SPIDR: variants seen among roughly 807,000 people sequenced by gnomAD.
The protein encoded by SPIDR is scaffold protein involved in DNA repair.
A neutral mutation model predicts 104.6 loss-of-function variants in SPIDR; 93 were observed. The ratio of observed to expected loss-of-function variants is 0.89; its 90% CI spans 0.75 to 1.06. The LOEUF is 1.06. Among genes scored for constraint, SPIDR ranks in the 50% least tolerant of loss-of-function variants. SPIDR has a pLI of 0.00. For missense variants in SPIDR, 1,154 were observed against 1,111.2 expected (o/e 1.04, Z -0.55); for synonymous variants, 431 against 416.9 (o/e 1.03, Z -0.41).
intron 8 of SPIDR, chr8:47,592,695 AAT>A (rs1326748204): frequency 1.4e-4 from 93 of 651,670 alleles, no homozygotes; most frequent in Non-Finnish European, 2.4e-4. Flanking sequence ...CCCTATTTAT[AAT>A]ATGATTGTCT....
At chr8:47,571,729 C>G (rs951349863) in intron 8 of SPIDR, among the ~76,000 whole-genome samples, 3 of 152,066 alleles carry the variant, frequency 2.0e-5, no homozygotes, top group African/African-American at 7.2e-5. Flanking sequence ...GCATACATAC[C>G]TGTGATAAAG....
intron 5 of SPIDR, among the ~76,000 whole-genome samples, chr8:47,316,009 A>G (rs1446947711): frequency 6.6e-6 from 1 of 152,230 alleles, no homozygotes; most frequent in Non-Finnish European, 1.5e-5. Flanking sequence ...TTCAAAATAA[A>G]AAACTTCTGC....
At chr8:47,278,342 C>T (rs2037018494) in intron 1 of SPIDR, among the ~76,000 whole-genome samples, 2 of 148,796 alleles carry the variant, frequency 1.3e-5, no homozygotes, top group Non-Finnish European at 3.0e-5. Flanking sequence ...TTTTCAAAGA[C>T]AGGATCTTGC....
intron 8 of SPIDR, among the ~76,000 whole-genome samples, chr8:47,555,531 G>A (rs555744600): frequency 9.5e-4 from 145 of 152,324 alleles, no homozygotes; most frequent in African/African-American, 3.2e-3. Context: ...TTGAGCAATA[G>A]AAGCAGTAAT....
At chr8:47,566,596 T>A (rs768018729) in intron 8 of SPIDR, among the ~76,000 whole-genome samples, 1 of 151,922 alleles carries the variant, frequency 6.6e-6, no homozygotes, top group South Asian at 2.1e-4. Flanking sequence ...TACTTTTTTA[T>A]TTTTTTTATT....
chr8:47,735,451 C>G lies in SPIDR; in HGVS notation c.*1C>G, dbSNP rs369178664. On this transcript the variant is annotated 3_prime_UTR_variant, in exon 20 of 20. Coordinates refer to ENST00000297423, the MANE Select transcript of SPIDR (RefSeq NM_001080394.4). ...AGGAGGGGCCTCTGCAGAACACTAG[C>G]GGTTGCCGCAGGATCTGTGAACTTT... 2.0e-5 allele frequency: 32 copies of G among 1,613,998 alleles called. No individual in the cohort carries two copies. In the East Asian group the frequency reaches 6.5e-4, roughly 33 times the overall value.
chr8:47,447,568 G>T (rs1035975027), intron 8 of SPIDR, among the ~76,000 whole-genome samples: 1 of 152,178 alleles, frequency 6.6e-6, no homozygotes, highest in Non-Finnish European at 1.5e-5. Flanking sequence ...TGTGAACATT[G>T]TTGAGAGGAC....
intron 8 of SPIDR, among the ~76,000 whole-genome samples, chr8:47,493,901 T>C (rs1019866513): frequency 1.3e-5 from 2 of 152,200 alleles, no homozygotes; most frequent in Non-Finnish European, 2.9e-5. Flanking sequence ...TTATTTTTTA[T>C]TAAATAGAGC....
chr8:47,595,256 C>T (rs2061513066), intron 8 of SPIDR, among the ~76,000 whole-genome samples: 1 of 152,152 alleles, frequency 6.6e-6, no homozygotes, highest in Admixed American at 6.5e-5. Flanking sequence ...AAGGAATAGG[C>T]ATTAAAGTGT....
At chr8:47,408,825 TAAC>T (rs1484698265) in intron 7 of SPIDR, among the ~76,000 whole-genome samples, 2 of 152,206 alleles carry the variant, frequency 1.3e-5, no homozygotes. Flanking sequence ...TTCTGTATAT[TAAC>T]AACGAGATAT....
chr8:47,614,454 C>T (rs534228158), intron 10 of SPIDR, among the ~76,000 whole-genome samples: 57 of 152,268 alleles, frequency 3.7e-4, no homozygotes, highest in Middle Eastern at 6.8e-3. Context: ...GATCTCCTGA[C>T]CTCATGATCC....
At chr8:47,275,425 G>A (rs1395103463) in intron 1 of SPIDR, among the ~76,000 whole-genome samples, 1 of 151,678 alleles carries the variant, frequency 6.6e-6, no homozygotes, top group Admixed American at 6.6e-5. Context: ...TAAATTTAAT[G>A]TCATTAGTTT....
chr8:47,655,423 A>G (rs2072572181), intron 10 of SPIDR, among the ~76,000 whole-genome samples: 1 of 152,246 alleles, frequency 6.6e-6, no homozygotes, highest in Non-Finnish European at 1.5e-5. Flanking sequence ...CATTCTAACT[A>G]GTGTGAGATG....
intron 16 of SPIDR, 134 bp downstream of exon 16, chr8:47,713,775 A>T: frequency 2.5e-6 from 3 of 1,208,812 alleles, no homozygotes; most frequent in East Asian, 2.6e-5. Context: ...TAAAGAACAA[A>T]AGCAGAAATT....
At chr8:47,718,510 T>G (rs2082906203) in intron 16 of SPIDR, among the ~76,000 whole-genome samples, 1 of 152,192 alleles carries the variant, frequency 6.6e-6, no homozygotes, top group African/African-American at 2.4e-5. Context: ...TGGCTCTTTT[T>G]TTTTTTCATT....
intron 10 of SPIDR, among the ~76,000 whole-genome samples, chr8:47,615,299 CTG>C (rs1369437180): frequency 6.6e-6 from 1 of 151,992 alleles, no homozygotes; most frequent in Non-Finnish European, 1.5e-5. Context: ...TTTCTAAGAA[CTG>C]TTATCAAATC....
intron 8 of SPIDR, chr8:47,511,304 C>T (rs1212939638): frequency 5.8e-6 from 8 of 1,379,548 alleles, no homozygotes; most frequent in East Asian, 4.6e-5. Context: ...CTGGCTTTGG[C>T]TTCATTTTCT....
chr8:47,386,681 T>C (rs1554648403), intron 5 of SPIDR, among the ~76,000 whole-genome samples: 7 of 152,208 alleles, frequency 4.6e-5, no homozygotes. Flanking sequence ...ATGAGTAGTT[T>C]TCCATCACTG....
At chr8:47,500,874 T>C (rs1196264645) in intron 8 of SPIDR, among the ~76,000 whole-genome samples, 1 of 152,238 alleles carries the variant, frequency 6.6e-6, no homozygotes, top group Non-Finnish European at 1.5e-5. Context: ...TAGCCAGTTT[T>C]CCCAGCACCA....
Sources: gnomAD v4.1 joint callset for allele counts (sites outside exome capture counted in the v4.1 genomes callset) on GRCh38, gnomAD v4.1.1 for gene constraint, MANE v1.5 for transcripts, NCBI Gene and HGNC (gene_info 2026-07-23, HGNC 2026-07-21) for gene names.